The following GALNT5 variants were observed in gnomAD, a reference collection of about 807,000 sequenced individuals.
GALNT5 encodes UDP-GalNAc:polypeptide N-acetylgalactosaminyltransferase 5.
Under a neutral mutation model 85.4 loss-of-function variants are expected in GALNT5, and 72 were observed. The observed-to-expected ratio is 0.84, with a 90% CI of 0.70 to 1.03. GALNT5 has a LOEUF of 1.03. Ranked by LOEUF, GALNT5 falls within the 50% of genes least tolerant of loss-of-function variation. The pLI is 0.00. For synonymous variants in GALNT5, 404 were observed against 397.0 expected (o/e 1.02, Z -0.21); for missense variants, 1,137 against 1,135.5 (o/e 1.00, Z -0.02).
rs370856390 is a variant in GALNT5 at position 157,299,629 on chromosome 2, T to C, written c.2079T>C (p.Asp693=). The change falls in exon 6 of 10, where the codon GAT becomes GAC. Residue 693 remains aspartate (D), a synonymous_variant. Transcript: ENST00000259056. ...TTGGAACATACGACCCTGGCCTTGA[T>C]GTTTGGGGTGGGGAAAATATGGAGC... ...FELGTYDPGL[D]VWGGENMELS... 3.0e-4 allele frequency: 483 copies of C among 1,610,842 alleles called. 2 individuals are homozygous for C. Among genetic ancestry groups the C allele is most frequent in the Non-Finnish European group, 3.8e-4 (449 of 1,177,380 alleles).
rs1270787299 is a variant in GALNT5, at chr2:157,297,445, G to A, written c.1997+932G>A. ...GGAAATTTAGACTTAAAAGCATTAA[G>A]TAATTTTCCCAGGAATACGCAGCTA... On this transcript the variant is annotated intron_variant, in intron 5 of 9. Transcript: ENST00000259056. Among the ~76,000 whole-genome samples the A allele has an allele frequency of 3.3e-5, 5 of 152,184 alleles. No homozygotes were observed. In the South Asian group the frequency reaches 8.3e-4, roughly 25 times the overall value.
rs1683219920 is a variant in GALNT5 at position 157,296,623 on chromosome 2, C to T, written c.1997+110C>T. ...TGTTATTCTATAGAACATTAAGAAT[C>T]ACAGTTCTAGCCAATAGATTACCAA... On this transcript the variant is annotated intron_variant, in intron 5 of 9. Coordinates refer to ENST00000259056, the MANE Select transcript of GALNT5 (RefSeq NM_014568.3). 4 of 804,026 alleles carry T rather than the reference C, an allele frequency of 5.0e-6. No homozygotes were observed. In the Admixed American group the frequency reaches 9.7e-5, roughly 19 times the overall value. 49.8% of individuals were successfully genotyped at this position (804,026 alleles called of 1,614,324 possible).
intron 2 of GALNT5, among the ~76,000 whole-genome samples, chr2:157,285,060 A>G (rs1682941364): frequency 6.6e-6 from 1 of 152,230 alleles, no homozygotes; most frequent in African/African-American, 2.4e-5. Context: ...AGGTGGTCTG[A>G]CAGCCACATT....
At position 157,299,462 on chromosome 2, in the gene GALNT5, C is replaced by G. The variant is rs578102268; in HGVS notation, c.1998-86C>G. 3.8e-6 allele frequency: 3 copies of G among 780,314 alleles called. No individual in the cohort carries two copies. The African/African-American group carries it at 5.2e-5, about 13-fold the overall frequency. 48.3% of individuals were successfully genotyped at this position (780,314 alleles called of 1,614,324 possible). ...GTAGCTATTCTGAAAAGCCTCCTAC[C>G]TCCCGTACAGATGTACAGAGGAACA... On this transcript the variant is annotated intron_variant, in intron 5 of 9. Transcript: ENST00000259056.
chr2:157,302,206 G>A (rs200148091), intron 7 of GALNT5: 1 of 152,054 alleles, frequency 6.6e-6, no homozygotes, highest in Non-Finnish European at 1.5e-5. Flanking sequence ...AATTTTTTCA[G>A]TTCTTCTTGA....
intron 1 of GALNT5, among the ~76,000 whole-genome samples, chr2:157,262,092 G>A (rs1682353966): frequency 1.3e-5 from 2 of 151,762 alleles, no homozygotes; most frequent in Admixed American, 1.3e-4. Flanking sequence ...TAAGAGTTTT[G>A]GAGAATATCT....
chr2:157,272,159 T>C (rs1411924736), intron 1 of GALNT5, among the ~76,000 whole-genome samples: 1 of 152,194 alleles, frequency 6.6e-6, no homozygotes, highest in African/African-American at 2.4e-5. Flanking sequence ...TATCAATTAC[T>C]GATTTTTTTT....
Position 157,300,771 on chromosome 2 carries a change from G to A in GALNT5, c.2211G>A (p.Arg737=), listed in dbSNP as rs1323727453. 6.2e-7 allele frequency: 1 copy of A among 1,614,076 alleles called. No individual in the cohort carries two copies. Among genetic ancestry groups the A allele is most frequent in the Non-Finnish European group, 8.5e-7 (1 of 1,179,968 alleles). ...ATCCATATTCCTTCCCCAAAGACCG[G>A]ATGAAGACAGTGGAGCGGAACTTGG... The part of the protein sequence containing the change: ...NDNPYSFPKD[R]MKTVERNLVR... The change falls in exon 7 of 10, where the codon CGG becomes CGA. Residue 737 remains arginine, a synonymous_variant. Coordinates refer to ENST00000259056, the MANE Select transcript of GALNT5 (RefSeq NM_014568.3).
intron 7 of GALNT5, chr2:157,302,185 C>T (rs1353253057): frequency 1.3e-5 from 2 of 152,168 alleles, no homozygotes; most frequent in Admixed American, 6.5e-5. Context: ...TTATCCCGCC[C>T]TTTTAGGCCA....
chr2:157,288,150 A>G (rs1405198532), intron 3 of GALNT5, among the ~76,000 whole-genome samples: 2 of 152,172 alleles, frequency 1.3e-5, no homozygotes. Context: ...GCATGTTCTG[A>G]TGGGAAGTTT....
chr2:157,289,126 T>G (rs1460566040), intron 3 of GALNT5, among the ~76,000 whole-genome samples: 3 of 148,294 alleles, frequency 2.0e-5, no homozygotes, highest in Admixed American at 1.3e-4. Flanking sequence ...ATTTAAAAAT[T>G]TTCTCTCTGC....
intron 5 of GALNT5, among the ~76,000 whole-genome samples, chr2:157,296,920 G>A (rs1340505085): frequency 6.6e-6 from 1 of 152,160 alleles, no homozygotes; most frequent in Non-Finnish European, 1.5e-5. Context: ...TTCTTTTACA[G>A]CCTAATCCTA....
intron 1 of GALNT5, among the ~76,000 whole-genome samples, chr2:157,275,802 T>C (rs1458290329): frequency 1.3e-5 from 2 of 152,226 alleles, no homozygotes; most frequent in Non-Finnish European, 1.5e-5. Flanking sequence ...CTTTTCCTAA[T>C]TGAATACCCT....
At chr2:157,306,953 G>A (rs1244314992) in intron 8 of GALNT5, among the ~76,000 whole-genome samples, 1 of 150,844 alleles carries the variant, frequency 6.6e-6, no homozygotes, top group Non-Finnish European at 1.5e-5. Context: ...GTCATAAATT[G>A]TAAAAACAAA....
At chr2:157,268,243 A>T (rs1682503219) in intron 1 of GALNT5, among the ~76,000 whole-genome samples, 1 of 152,222 alleles carries the variant, frequency 6.6e-6, no homozygotes, top group Non-Finnish European at 1.5e-5. Context: ...TATGATTTAA[A>T]ACCTTCTCTA....
At chr2:157,308,838 AC>A in intron 9 of GALNT5, 110 bp downstream of exon 9, 1 of 792,610 alleles carries the variant, frequency 1.3e-6, no homozygotes, top group Non-Finnish European at 2.0e-6. Flanking sequence ...TGTGTTTGTG[AC>A]CATGGGATTA....
chr2:157,286,139 G>A lies in GALNT5; in HGVS notation c.1741+5G>A. ...CAGGAGCACAGAATGCAACAGGTAA[G>A]AAGTTACTCATTTTTTTGTTTGTTA... On this transcript the variant is annotated splice_donor_5th_base_variant and intron_variant, in intron 3 of 9. Transcript: ENST00000259056. 1 of 1,603,664 alleles carries A rather than the reference G, an allele frequency of 6.2e-7. No individual in the cohort carries two copies. Among genetic ancestry groups the A allele is most frequent in the Non-Finnish European group, 8.5e-7 (1 of 1,176,060 alleles).
intron 1 of GALNT5, among the ~76,000 whole-genome samples, chr2:157,270,618 C>T (rs1682562128): frequency 6.6e-6 from 1 of 152,204 alleles, no homozygotes; most frequent in Admixed American, 6.5e-5. Flanking sequence ...TCCATCTCAT[C>T]TCCATCCATT....
At chr2:157,290,304 T>C (rs1332383846) in intron 3 of GALNT5, among the ~76,000 whole-genome samples, 1 of 152,096 alleles carries the variant, frequency 6.6e-6, no homozygotes, top group Non-Finnish European at 1.5e-5. Flanking sequence ...TTAGTGGAGC[T>C]TGGGTGCCTG....
Sources: gnomAD v4.1 joint callset for allele counts (sites outside exome capture counted in the v4.1 genomes callset) on GRCh38, gnomAD v4.1.1 for gene constraint, MANE v1.5 for transcripts, NCBI Gene and HGNC (gene_info 2026-07-23, HGNC 2026-07-21) for gene names.